The following USP34 variants were observed in gnomAD, a reference collection of about 807,000 sequenced individuals.
The protein encoded by USP34 is ubiquitin specific peptidase 34.
A neutral mutation model predicts 460.3 loss-of-function variants in USP34; 70 were observed. That is an observed-to-expected ratio of 0.15 (90% confidence interval 0.13 to 0.19). The LOEUF (loss-of-function observed/expected upper bound fraction) is 0.19. Ranked by LOEUF, USP34 falls within the 10% of genes least tolerant of loss-of-function variation. USP34 has a pLI of 1.00. For missense variants in USP34, 3,985 were observed against 4,236.2 expected (o/e 0.94, Z 1.65); for synonymous variants, 1,647 against 1,405.3 (o/e 1.17, Z -3.85).
In USP34 at chr2:61,228,994, A is replaced by G; in HGVS notation, c.7201T>C (p.Ser2401Pro). ...LYLQPGMEDGSDDMDTSVEDI... is the reference protein window; with the variant it reads ...LYLQPGMEDGPDDMDTSVEDI... ...TCTACTGAGGTATCCATATCATCTG[A>G]CCTAAGAGACAATTAAATAGATCTT... Residue 2401 changes from serine to proline, a missense_variant and splice_region_variant, in exon 60 of 80, where the codon TCA becomes CCA. By Grantham distance (74) the Ser-to-Pro change is moderately conservative. Transcript: ENST00000398571. 6.4e-7 allele frequency: 1 copy of G among 1,558,678 alleles called. No individual in the cohort carries two copies. The highest frequency in any genetic ancestry group is 8.7e-7 in the Non-Finnish European group (1 of 1,152,258).
At position 61,311,882 on chromosome 2, in the gene USP34, T is replaced by C; in HGVS notation, c.3571A>G (p.Ile1191Val). Reference protein sequence around the residue: ...RFAYHLRQWQIEGTGISSHLK... With the variant: ...RFAYHLRQWQVEGTGISSHLK... The stretch of plus-strand genomic sequence containing the variant: ...TGACTACTAATACCAGTGCCTTCAA[T>C]TTGCCACTGTCTCAGATGATATGCA... The change falls in exon 26 of 80, where the codon ATT (isoleucine) becomes GTT (valine). Residue 1191 changes from isoleucine (I) to valine (V), a missense_variant. Around this residue, in one of 14 missense-constraint regions of USP34, gnomAD observed 1,114 missense variants for 1,122.5 expected, o/e 0.99. Coordinates refer to ENST00000398571, the MANE Select transcript of USP34 (RefSeq NM_014709.4). 1.9e-6 allele frequency: 3 copies of C among 1,613,838 alleles called. No individual in the cohort carries two copies. Among genetic ancestry groups the C allele is most frequent in the Non-Finnish European group, 2.5e-6 (3 of 1,179,888 alleles).
Position 61,280,286 on chromosome 2 carries a change from TA to T in USP34, c.5213del (p.Leu1738TyrfsTer4). The T allele has an allele frequency of 6.4e-7, 1 of 1,564,026 alleles. No homozygotes were observed. The highest frequency in any genetic ancestry group is 1.2e-5 in the South Asian group (1 of 80,852). On this transcript the variant is annotated frameshift_variant, in exon 39 of 80. Coordinates refer to ENST00000398571, the MANE Select transcript of USP34 (RefSeq NM_014709.4). LOFTEE classifies it high-confidence loss of function. ...KPGCKEYFWL[L>X]CKLVDNIHIK... ...TATGTATGTTGTCAACTAATTTGCA[TA>T]ACAACCAAAAATACTCTTTACATCC...
chr2:61,467,995 G>A (rs936451807), intron 1 of USP34, among the ~76,000 whole-genome samples: 1 of 152,008 alleles, frequency 6.6e-6, no homozygotes, highest in African/African-American at 2.4e-5. Flanking sequence ...CGGGAAAAGG[G>A]CAGACTTTAT....
intron 67 of USP34, among the ~76,000 whole-genome samples, chr2:61,218,471 A>T (rs1332399119): frequency 6.6e-6 from 1 of 152,120 alleles, no homozygotes; most frequent in Non-Finnish European, 1.5e-5. Flanking sequence ...CCCACAGTTA[A>T]CACTATTATG....
In USP34 at chr2:61,227,826, G is replaced by A. The variant is rs1303908863; in HGVS notation, c.7444-608C>T. Among the ~76,000 whole-genome samples, 5 of 152,068 alleles carry A rather than the reference G, an allele frequency of 3.3e-5. No individual in the cohort carries two copies. In the East Asian group the frequency reaches 5.8e-4, roughly 18 times the overall value. Reference sequence around the variant, plus strand: ...TTTCTTATAAGCAAGCTCATTGGAAGACAAGTCACGATAAAAATTGCAAGT... The same window carrying A: ...TTTCTTATAAGCAAGCTCATTGGAAAACAAGTCACGATAAAAATTGCAAGT... On this transcript the variant is annotated intron_variant, in intron 61 of 79. Transcript: ENST00000398571.
intron 25 of USP34, among the ~76,000 whole-genome samples, chr2:61,313,399 C>A (rs1300980055): frequency 6.6e-6 from 1 of 152,026 alleles, no homozygotes; most frequent in African/African-American, 2.4e-5. Flanking sequence ...TGTGCAAGGA[C>A]TAAGGGTGTG....
chr2:61,427,188 C>T (rs578046347), intron 1 of USP34, among the ~76,000 whole-genome samples: 8 of 152,148 alleles, frequency 5.3e-5, no homozygotes, highest in Admixed American at 3.3e-4. Flanking sequence ...CCACCACGCC[C>T]GGCTAATTTT....
chr2:61,324,592 G>A (rs1691026451), intron 21 of USP34, among the ~76,000 whole-genome samples: 1 of 152,106 alleles, frequency 6.6e-6, no homozygotes, highest in Non-Finnish European at 1.5e-5. Context: ...GGGCAACACA[G>A]TGAAACCCTA....
At chr2:61,393,595 G>A (rs1478588666) in intron 5 of USP34, among the ~76,000 whole-genome samples, 2 of 151,924 alleles carry the variant, frequency 1.3e-5, no homozygotes, top group Non-Finnish European at 2.9e-5. Flanking sequence ...CCAATGTACC[G>A]CATCACTGCA....
chr2:61,343,669 G>GA, intron 16 of USP34, 146 bp downstream of exon 16: 1 of 772,116 alleles, frequency 1.3e-6, no homozygotes, highest in East Asian at 2.7e-5. Context: ...TTCCCTTGGG[G>GA]GAAAAAAAAA....
intron 64 of USP34, 97 bp from the exon 65 acceptor site, chr2:61,222,760 G>A: frequency 1.8e-6 from 2 of 1,135,544 alleles, no homozygotes; most frequent in Non-Finnish European, 2.6e-6. Context: ...GCAGTGGCGA[G>A]ATCACAGCTC....
chr2:61,339,816 A>G, intron 16 of USP34, 135 bp from the exon 17 acceptor site: 1 of 442,668 alleles, frequency 2.3e-6, no homozygotes, highest in Non-Finnish European at 3.8e-6. Flanking sequence ...ACATTAGCAC[A>G]ATATTTTGTT....
At chr2:61,467,441 C>T (rs1023910917) in intron 1 of USP34, among the ~76,000 whole-genome samples, 3 of 152,094 alleles carry the variant, frequency 2.0e-5, no homozygotes, top group Non-Finnish European at 2.9e-5. Context: ...CGCACCACCA[C>T]GTCTGACTGT....
At chr2:61,457,192 CTT>C (rs1695465324) in intron 1 of USP34, among the ~76,000 whole-genome samples, 1 of 152,166 alleles carries the variant, frequency 6.6e-6, no homozygotes, top group African/African-American at 2.4e-5. Context: ...GGGAGGATCT[CTT>C]GAGCCTGGGA....
chr2:61,285,292 T>C (rs1383339010), intron 34 of USP34, among the ~76,000 whole-genome samples: 1 of 151,830 alleles, frequency 6.6e-6, no homozygotes, highest in Non-Finnish European at 1.5e-5. Flanking sequence ...AATCCGACAC[T>C]AGCTGGCCAA....
rs113145309 is a variant in USP34, at chr2:61,467,322, T to A, written c.43+3328A>T. Among the ~76,000 whole-genome samples, 958 of 151,652 alleles carry A rather than the reference T, an allele frequency of 6.3e-3. 12 individuals carry two copies. Among genetic ancestry groups the A allele is most frequent in the Middle Eastern group, 0.034 (10 of 294 alleles). On this transcript the variant is annotated intron_variant, in intron 1 of 79. Coordinates refer to ENST00000398571, the MANE Select transcript of USP34 (RefSeq NM_014709.4). Reference sequence around the variant, plus strand: ...TGTCTCCAAATAAAAAATAAAAAAATAATAATAATAAAAAAAGCAGTCTTA... The same window carrying A: ...TGTCTCCAAATAAAAAATAAAAAAAAAATAATAATAAAAAAAGCAGTCTTA...
chr2:61,370,275 C>A, intron 10 of USP34, 46 bp downstream of exon 10: 1 of 1,575,718 alleles, frequency 6.3e-7, no homozygotes, highest in South Asian at 1.1e-5. Context: ...GCACTTAGAA[C>A]ATATGATAAG....
intron 49 of USP34, among the ~76,000 whole-genome samples, chr2:61,247,983 T>TC (rs1688464806): frequency 6.6e-6 from 1 of 151,984 alleles, no homozygotes; most frequent in Non-Finnish European, 1.5e-5. Context: ...GGTCAGGAGT[T>TC]CGAGACCAAC....
At chr2:61,443,817 T>C (rs556034120) in intron 1 of USP34, among the ~76,000 whole-genome samples, 1 of 152,338 alleles carries the variant, frequency 6.6e-6, no homozygotes, top group South Asian at 2.1e-4. Flanking sequence ...TGAGTCATAA[T>C]GATATGTTAA....
Sources: allele counts gnomAD v4.1 joint callset (sites outside exome capture counted in the v4.1 genomes callset), GRCh38; gene constraint gnomAD v4.1.1; regional missense constraint gnomAD v4.1.1; transcripts MANE v1.5; gene names NCBI Gene and HGNC (gene_info 2026-07-23, HGNC 2026-07-21).